The following FRMD6 variants were observed in gnomAD, a reference collection of about 807,000 sequenced individuals.
FRMD6 encodes FERM domain containing 6, also known as FERM domain-containing protein 6.
FRMD6 carries 37 observed loss-of-function variants against 73.2 expected under a neutral mutation model. That is an observed-to-expected ratio of 0.51 (90% CI 0.39 to 0.66). The LOEUF is 0.66. Ranked by LOEUF, FRMD6 falls within the 30% of genes least tolerant of loss-of-function variation. The pLI, the probability that FRMD6 is intolerant of heterozygous loss-of-function variation, is 0.00. For missense variants in FRMD6, 714 were observed against 780.5 expected (o/e 0.91, Z 1.02); for synonymous variants, 273 against 282.2 (o/e 0.97, Z 0.33).
At chr14:51,449,973 A>T in the FRMD6 span, among the ~76,000 whole-genome samples, 1 of 152,226 alleles carries the variant, frequency 6.6e-6, no homozygotes, top group Non-Finnish European at 1.5e-5. Context: ...GGTGAAAAAT[A>T]AACTTTTCCT....
At chr14:51,638,883 A>C (rs1389868610) in intron 2 of FRMD6, among the ~76,000 whole-genome samples, 3 of 152,176 alleles carry the variant, frequency 2.0e-5, no homozygotes, top group African/African-American at 7.2e-5. Flanking sequence ...TACCCACTAG[A>C]AATGGGCTAA....
chr14:51,525,641 C>A (rs888077371), intron 1 of FRMD6, among the ~76,000 whole-genome samples: 2 of 152,054 alleles, frequency 1.3e-5, no homozygotes, highest in African/African-American at 2.4e-5. Flanking sequence ...TAATTTGAAT[C>A]CCTAGTAAAT....
intron 1 of FRMD6, among the ~76,000 whole-genome samples, chr14:51,551,807 A>C (rs1886856664): frequency 6.6e-6 from 1 of 151,854 alleles, no homozygotes; most frequent in Non-Finnish European, 1.5e-5. Flanking sequence ...AAATAAATGC[A>C]TATAATATAA....
intron 2 of FRMD6, among the ~76,000 whole-genome samples, chr14:51,603,588 A>G (rs1890125462): frequency 6.6e-6 from 1 of 152,218 alleles, no homozygotes; most frequent in South Asian, 2.1e-4. Flanking sequence ...ATAATATGTT[A>G]GATATTTTTT....
intron 9 of FRMD6, among the ~76,000 whole-genome samples, chr14:51,712,854 C>T (rs1417446185): frequency 6.6e-6 from 1 of 152,134 alleles, no homozygotes; most frequent in Non-Finnish European, 1.5e-5. Context: ...CTAAGTTATT[C>T]TAGTTGCAGA....
chr14:51,567,540 A>G (rs937377430), intron 1 of FRMD6, among the ~76,000 whole-genome samples: 6 of 152,142 alleles, frequency 3.9e-5, no homozygotes, highest in African/African-American at 1.4e-4. Flanking sequence ...GTATCTTGCT[A>G]TGTTGCCCAG....
rs980976764 is a variant in FRMD6 at position 51,715,189 on chromosome 14, T to C, written c.850-136T>C. ...ATTTTTGAAAGGAAAAACAATAATT[T>C]ATCCCACAAGGAATTTTAAATGAAA... On this transcript the variant is annotated intron_variant, in intron 9 of 13. Coordinates refer to ENST00000344768, the MANE Select transcript of FRMD6 (RefSeq NM_001267046.2). The C allele has an allele frequency of 4.3e-5, 29 of 667,578 alleles. No homozygotes were observed. In the Admixed American group the frequency reaches 1.1e-3, roughly 25 times the overall value. The allele number at this position is 667,578 out of a possible 1,614,324, so 41.4% of individuals were successfully genotyped here. A position where few individuals can be genotyped will look rare whatever the true frequency, so the allele number is the denominator to read the frequency against.
At chr14:51,431,227 G>A in the FRMD6 span, among the ~76,000 whole-genome samples, 1 of 152,182 alleles carries the variant, frequency 6.6e-6, no homozygotes, top group African/African-American at 2.4e-5. Context: ...GCCCCGATAA[G>A]AGATTTTCAA....
chr14:51,415,509 G>C, the FRMD6 span, among the ~76,000 whole-genome samples: 1 of 152,198 alleles, frequency 6.6e-6, no homozygotes, highest in East Asian at 1.9e-4. Flanking sequence ...AAGCTGACTT[G>C]ATTGTGGTGG....
At chr14:51,596,766 T>C (rs1325392441) in intron 2 of FRMD6, among the ~76,000 whole-genome samples, 1 of 152,156 alleles carries the variant, frequency 6.6e-6, no homozygotes, top group Non-Finnish European at 1.5e-5. Context: ...CAAAAGTTCA[T>C]GGGCCCAGAA....
At chr14:51,580,368 C>T (rs965419042) in intron 2 of FRMD6, among the ~76,000 whole-genome samples, 1 of 152,164 alleles carries the variant, frequency 6.6e-6, no homozygotes, top group Non-Finnish European at 1.5e-5. Context: ...ATTGCAAACA[C>T]CTATGAGCAC....
At chr14:51,420,230 T>C in the FRMD6 span, among the ~76,000 whole-genome samples, 1 of 152,188 alleles carries the variant, frequency 6.6e-6, no homozygotes, top group African/African-American at 2.4e-5. Flanking sequence ...TATACTTCTA[T>C]TATGTAAAGT....
chr14:51,451,496 C>T, the FRMD6 span, among the ~76,000 whole-genome samples: 1 of 152,190 alleles, frequency 6.6e-6, no homozygotes, highest in Non-Finnish European at 1.5e-5. Flanking sequence ...GCCTCAACCT[C>T]GCAAGCAGCT....
intron 1 of FRMD6, among the ~76,000 whole-genome samples, chr14:51,557,142 GA>G (rs1887178050): frequency 6.6e-6 from 1 of 151,770 alleles, no homozygotes; most frequent in Non-Finnish European, 1.5e-5. Flanking sequence ...GAAGAAGGAA[GA>G]AAGGAAAGAA....
chr14:51,540,191 C>A (rs1886129012), intron 1 of FRMD6, among the ~76,000 whole-genome samples: 1 of 152,024 alleles, frequency 6.6e-6, no homozygotes, highest in Non-Finnish European at 1.5e-5. Context: ...AAGACTAGCT[C>A]AGGGGCCAAA....
chr14:51,591,286 A>G (rs1462320813), intron 2 of FRMD6, among the ~76,000 whole-genome samples: 1 of 150,546 alleles, frequency 6.6e-6, no homozygotes, highest in Non-Finnish European at 1.5e-5. Context: ...AAAACAAAAC[A>G]AAACAAACAA....
chr14:51,559,835 G>A (rs1368911575), intron 1 of FRMD6, among the ~76,000 whole-genome samples: 1 of 152,152 alleles, frequency 6.6e-6, no homozygotes. Flanking sequence ...GTTATACAAA[G>A]TGGTGGAAAC....
intron 3 of FRMD6, 44 bp from the exon 4 acceptor site, chr14:51,701,009 TAAA>T (rs1896275260): frequency 1.0e-6 from 1 of 965,696 alleles, no homozygotes; most frequent in African/African-American, 1.7e-5. Flanking sequence ...TTTTTTCTTT[TAAA>T]AATCCTTTCT....
At chr14:51,528,283 C>T (rs1172663221) in intron 1 of FRMD6, among the ~76,000 whole-genome samples, 1 of 152,150 alleles carries the variant, frequency 6.6e-6, no homozygotes, top group Non-Finnish European at 1.5e-5. Flanking sequence ...GTTCTCTCCC[C>T]AGCTGGCCCT....
Sources: allele counts gnomAD v4.1 joint callset (sites outside exome capture counted in the v4.1 genomes callset), GRCh38; gene constraint gnomAD v4.1.1; transcripts MANE v1.5; gene names NCBI Gene and HGNC (gene_info 2026-07-23, HGNC 2026-07-21).